GIP: variants seen among roughly 807,000 people sequenced by gnomAD.
The protein encoded by GIP is glucose-dependent insulinotropic polypeptide.
A neutral mutation model predicts 18.1 loss-of-function variants in GIP; 16 were observed. The ratio of observed to expected loss-of-function variants is 0.88; its 90% confidence interval spans 0.60 to 1.34. GIP has a LOEUF of 1.34. GIP is among the 40% of genes most tolerant of loss of function. The pLI, the probability that GIP is intolerant of heterozygous loss-of-function variation, is 0.00. For missense variants in GIP, 192 were observed against 183.4 expected (o/e 1.05, Z -0.27); for synonymous variants, 76 against 74.0 (o/e 1.03, Z -0.14).
intron 5 of GIP, 44 bp downstream of exon 5, chr17:48,960,842 C>G (rs1315178128): frequency 8.3e-7 from 1 of 1,205,324 alleles, no homozygotes; most frequent in Admixed American, 2.0e-5. Flanking sequence ...TGTCTGATGC[C>G]CAAGCTCAAG....
intron 5 of GIP, 82 bp downstream of exon 5, chr17:48,960,804 C>CA (rs2041196362): frequency 1.2e-6 from 1 of 809,658 alleles, no homozygotes; most frequent in African/African-American, 1.7e-5. Flanking sequence ...AATCAGCCAG[C>CA]ATGTGGAGGG....
At chr17:48,961,696 C>G (rs754659341) in intron 4 of GIP, 31 bp downstream of exon 4, 821 of 1,328,320 alleles carry the variant, frequency 6.2e-4, no homozygotes, top group Non-Finnish European at 7.8e-4. Context: ...GGAGGCTTGG[C>G]TCCCTCCCTT....
rs200645109 is a variant in GIP, at chr17:48,964,335, G to C, written c.232C>G (p.Leu78Val). ...TCATTCTTCTTCCCCTTTTGGGCCA[G>C]CAGCCAGTTCACAAAGTCTTGTTGG... ...IHQQDFVNWL[L>V]AQKGKKNDWK... The change falls in exon 3 of 6, where the codon CTG becomes GTG. Residue 78 changes from leucine (L) to valine (V), a missense_variant. Physicochemically the swap from Leu to Val is conservative, Grantham distance 32. Transcript: ENST00000357424. 55 of 1,613,734 alleles carry C rather than the reference G, an allele frequency of 3.4e-5. No homozygotes were observed. The Admixed American group carries it at 9.2e-4, about 27-fold the overall frequency.
chr17:48,962,455 G>A (rs779504762), intron 3 of GIP, among the ~76,000 whole-genome samples: 1 of 151,756 alleles, frequency 6.6e-6, no homozygotes, highest in African/African-American at 2.4e-5. Context: ...TGCAACGTCC[G>A]CCTCCAGGGT....
intron 3 of GIP, 95 bp downstream of exon 3, chr17:48,964,215 C>A: frequency 2.5e-6 from 2 of 803,114 alleles, no homozygotes; most frequent in African/African-American, 1.7e-5. Flanking sequence ...GGTTGTGCAT[C>A]ATGTGGCCTG....
At chr17:48,959,228 G>A (rs769319867) in intron 5 of GIP, among the ~76,000 whole-genome samples, 3 of 152,126 alleles carry the variant, frequency 2.0e-5, no homozygotes, top group Admixed American at 6.6e-5. Context: ...TTACAGATGT[G>A]ATCATAGATC....
chr17:48,963,692 G>A (rs2143849332), intron 3 of GIP, among the ~76,000 whole-genome samples: 1 of 151,546 alleles, frequency 6.6e-6, no homozygotes, highest in East Asian at 2.0e-4. Context: ...AAATTAGCCA[G>A]GCGTGGTGGC....
intron 1 of GIP, among the ~76,000 whole-genome samples, chr17:48,967,571 G>T (rs2041242027): frequency 6.6e-6 from 1 of 151,348 alleles, no homozygotes; most frequent in Non-Finnish European, 1.5e-5. Context: ...TATTGGCCAG[G>T]CTGGTCTCGA....
chr17:48,964,159 CAA>C (rs11380752), intron 3 of GIP, 149 bp downstream of exon 3: 103,968 of 353,100 alleles, frequency 0.29, 6,070 homozygotes, highest in Non-Finnish European at 0.34. Flanking sequence ...GACTCCATCT[CAA>C]AAAAAAAAAA....
intron 3 of GIP, among the ~76,000 whole-genome samples, chr17:48,962,433 A>G (rs1000031676): frequency 2.0e-5 from 3 of 151,208 alleles, no homozygotes; most frequent in Admixed American, 6.6e-5. Flanking sequence ...CAGTGGTGCA[A>G]TCTCAGCTCA....
intron 2 of GIP, among the ~76,000 whole-genome samples, chr17:48,964,699 A>G (rs2041224709): frequency 6.6e-6 from 1 of 152,170 alleles, no homozygotes; most frequent in Non-Finnish European, 1.5e-5. Flanking sequence ...GATTCTGGGC[A>G]AAAAGAGATC....
chr17:48,963,519 G>A (rs1397587617), intron 3 of GIP, among the ~76,000 whole-genome samples: 1 of 151,626 alleles, frequency 6.6e-6, no homozygotes, highest in African/African-American at 2.4e-5. Flanking sequence ...AATTAGCCAG[G>A]TATGGTGGCG....
In GIP at chr17:48,958,560, C is replaced by A; in HGVS notation, c.*147G>T. ...CAAAGACAAACATGCCCTGTTAGTGCTCAGTAGTCATTTTAATAAATTTTC... is the reference window on the plus strand; with the variant it reads ...CAAAGACAAACATGCCCTGTTAGTGATCAGTAGTCATTTTAATAAATTTTC... On this transcript the variant is annotated 3_prime_UTR_variant, in exon 6 of 6. Coordinates refer to ENST00000357424, the MANE Select transcript of GIP (RefSeq NM_004123.3). The A allele has an allele frequency of 1.5e-6, 1 of 660,628 alleles. No individual in the cohort carries two copies. The allele number at this position is 660,628 out of a possible 1,614,324, so 40.9% of individuals were successfully genotyped here.
At chr17:48,965,743 T>A (rs1399500504) in intron 2 of GIP, among the ~76,000 whole-genome samples, 1 of 151,964 alleles carries the variant, frequency 6.6e-6, no homozygotes, top group Non-Finnish European at 1.5e-5. Context: ...AGTCAACTCA[T>A]ACGAAAGCTC....
intron 1 of GIP, among the ~76,000 whole-genome samples, chr17:48,967,676 G>A (rs1297417134): frequency 1.3e-5 from 2 of 151,730 alleles, no homozygotes; most frequent in East Asian, 3.9e-4. Flanking sequence ...CCTTTTCTAA[G>A]AGCCTGGGGC....
chr17:48,964,159 C>CAAAAAAAAAAA (rs11380752), intron 3 of GIP, 151 bp downstream of exon 3: 2 of 357,650 alleles, frequency 5.6e-6, no homozygotes, highest in Non-Finnish European at 9.7e-6. Flanking sequence ...GACTCCATCT[C>CAAAAAAAAAAA]AAAAAAAAAA....
At chr17:48,959,855 C>T (rs1330771604) in intron 5 of GIP, among the ~76,000 whole-genome samples, 3 of 18,626 alleles carry the variant, frequency 1.6e-4, no homozygotes, top group African/African-American at 3.0e-4. Context: ...AGGCAGGCCA[C>T]AGGATGGGCT....
Position 48,961,730 on chromosome 17 carries a change from T to C in GIP, c.347A>G (p.Gln116Arg). The change falls in exon 4 of 6, where the codon CAG becomes CGG. Residue 116 changes from glutamine to arginine, a missense_variant. Transcript: ENST00000357424. Reference sequence around the variant, plus strand: ...TTCCCTCTGCGCCCTGACTCACCTCTGTGGCTCCACTGCCTCCTCCTCCTT... The same window carrying C: ...TTCCCTCTGCGCCCTGACTCACCTCCGTGGCTCCACTGCCTCCTCCTCCTT... ...NRKEEEAVEP[Q>R]SSPAKNPSDE... 1 of 1,605,938 alleles carries C rather than the reference T, an allele frequency of 6.2e-7. No individual in the cohort carries two copies. Among genetic ancestry groups the C allele is most frequent in the Non-Finnish European group, 8.5e-7 (1 of 1,174,378 alleles).
At chr17:48,961,681 G>T in intron 4 of GIP, 46 bp downstream of exon 4, 1 of 1,204,864 alleles carries the variant, frequency 8.3e-7, no homozygotes, top group Non-Finnish European at 1.2e-6. Context: ...GGTGGGGGCG[G>T]GGCAGGAGGC....
Sources: gnomAD v4.1 joint callset for allele counts (sites outside exome capture counted in the v4.1 genomes callset) on GRCh38, gnomAD v4.1.1 for gene constraint, MANE v1.5 for transcripts, NCBI Gene and HGNC (gene_info 2026-07-23, HGNC 2026-07-21) for gene names.